FIGLA: variants seen among roughly 807,000 people sequenced by gnomAD.
The protein encoded by FIGLA is folliculogenesis specific bHLH transcription factor.
In FIGLA, 17 loss-of-function variants were observed where a neutral mutation model predicts 21.5. The ratio of observed to expected loss-of-function variants is 0.79; its 90% CI spans 0.54 to 1.19. The LOEUF is 1.19. Among genes scored for constraint, FIGLA ranks in the 50% most tolerant of loss-of-function variants. The pLI is 0.00. For synonymous variants in FIGLA, 129 were observed against 117.6 expected (o/e 1.10, Z -0.63); for missense variants, 282 against 285.0 (o/e 0.99, Z 0.08).
In FIGLA at chr2:70,778,171, G is replaced by A. The variant is rs552640098; in HGVS notation, c.610-500C>T. On this transcript the variant is annotated intron_variant, in intron 3 of 4. Transcript: ENST00000332372. ...TTTCAAAGTTGAGTTTTGTTAGAAC[G>A]AAAGTGGTTAAAAAGGACTTAACAC... 7.9e-4 allele frequency among the ~76,000 whole-genome samples: 121 copies of A among 152,230 alleles called. 1 individual carries two copies. Among genetic ancestry groups the A allele is most frequent in the Admixed American group, 1.3e-3 (20 of 15,288 alleles).
intron 3 of FIGLA, among the ~76,000 whole-genome samples, chr2:70,779,710 G>A (rs1675820398): frequency 6.6e-6 from 1 of 152,112 alleles, no homozygotes; most frequent in Admixed American, 6.5e-5. Context: ...CAGATACTAT[G>A]TCTCTCCATA....
chr2:70,789,451 T>G (rs1574353259), intron 1 of FIGLA, among the ~76,000 whole-genome samples: 1 of 152,254 alleles, frequency 6.6e-6, no homozygotes, highest in Non-Finnish European at 1.5e-5. Context: ...CAGGGTTCTG[T>G]CCATCAAGAG....
chr2:70,783,981 C>A lies in FIGLA; in HGVS notation c.609+1434G>T, dbSNP rs531182679. On this transcript the variant is annotated intron_variant, in intron 3 of 4. Transcript: ENST00000332372. ...CTGGGATGACAATTGTGAGCCACTG[C>A]GCCTGGCCCCACTCTTTTGTTGTTG... Among the ~76,000 whole-genome samples, 10 of 152,204 alleles carry A rather than the reference C, an allele frequency of 6.6e-5. No individual in the cohort carries two copies. The South Asian group carries it at 2.1e-3, about 32-fold the overall frequency.
intron 3 of FIGLA, among the ~76,000 whole-genome samples, chr2:70,781,776 T>C (rs6546627): frequency 0.66 from 100,145 of 152,094 alleles, 34,157 homozygotes; most frequent in East Asian, 0.91. Context: ...TCCAGGAGTT[T>C]GGAAGAATGG....
In FIGLA at chr2:70,785,607, G is replaced by T. The variant is rs1553389862; in HGVS notation, c.417C>A (p.Asn139Lys). The change falls in exon 3 of 5, where the codon AAC becomes AAA. Residue 139 changes from asparagine (N) to lysine (K), a missense_variant. By Grantham distance (94) the Asn-to-Lys change is moderately conservative. Coordinates refer to ENST00000332372, the MANE Select transcript of FIGLA (RefSeq NM_001004311.3). The part of the protein sequence containing the change: ...KQDPDEQSYS[N>K]NSSESHTSSA... Reference sequence around the variant, plus strand: ...AGGATGTATGTGATTCAGAACTGTTGTTACTATAGCTCTGCTCATCTGGGT... The same window carrying T: ...AGGATGTATGTGATTCAGAACTGTTTTTACTATAGCTCTGCTCATCTGGGT... 2.5e-6 allele frequency: 4 copies of T among 1,613,810 alleles called. No individual in the cohort carries two copies.
intron 2 of FIGLA, 47 bp downstream of exon 2, chr2:70,787,602 G>T (rs782580185): frequency 3.6e-5 from 55 of 1,519,360 alleles, no homozygotes; most frequent in Non-Finnish European, 4.8e-5. Context: ...CATAGAAAAG[G>T]CCTAATAAAT....
At position 70,790,416 on chromosome 2, in the gene FIGLA, G is replaced by A; in HGVS notation, c.223C>T (p.Arg75Cys). 1 of 1,537,482 alleles carries A rather than the reference G, an allele frequency of 6.5e-7. No individual in the cohort carries two copies. ...ERRRVANAKE[R>C]ERIKNLNRGF... ...CCCTAGGGATCCCTCACCCGCTCACGCTCCTTGGCGTTGGCCACACGCCGC... is the reference window on the plus strand; with the variant it reads ...CCCTAGGGATCCCTCACCCGCTCACACTCCTTGGCGTTGGCCACACGCCGC... The change falls in exon 1 of 5, where the codon CGT becomes TGT. Residue 75 changes from arginine to cysteine, a missense_variant. Arg to Cys is a radical substitution (Grantham distance 180). Coordinates refer to ENST00000332372, the MANE Select transcript of FIGLA (RefSeq NM_001004311.3).
intron 2 of FIGLA, 77 bp from the exon 3 acceptor site, chr2:70,785,716 G>T: frequency 9.1e-7 from 1 of 1,093,320 alleles, no homozygotes; most frequent in Non-Finnish European, 1.4e-6. Context: ...ATATTTCAAA[G>T]TTTTAACTGA....
In FIGLA at chr2:70,787,671, A is replaced by G. The variant is rs782103382; in HGVS notation, c.362T>C (p.Leu121Ser). The change falls in exon 2 of 5, where the codon TTG becomes TCG. Residue 121 changes from leucine (L) to serine (S), a missense_variant. Leu to Ser is a moderately radical substitution (Grantham distance 145, BLOSUM62 -2). Transcript: ENST00000332372. ...TEYIQVLSDL[L>S]EGAKDSKKQD... ...TACCTTTGAGTCTTTGGCTCCTTCC[A>G]AAAGATCACTGAGAACCTGTATATA... The G allele has an allele frequency of 1.9e-6, 3 of 1,578,878 alleles. No individual in the cohort carries two copies. Among genetic ancestry groups the G allele is most frequent in the Non-Finnish European group, 2.6e-6 (3 of 1,161,604 alleles).
In FIGLA at chr2:70,790,316, G is replaced by A. The variant is rs374864485; in HGVS notation, c.231+92C>T. The A allele has an allele frequency of 4.0e-5, 54 of 1,341,760 alleles. 2 individuals are homozygous for A. In the South Asian group the frequency reaches 8.1e-4, roughly 20 times the overall value. 83.1% of individuals were successfully genotyped at this position (1,341,760 alleles called of 1,614,324 possible). A position where few individuals can be genotyped will look rare whatever the true frequency, so the allele number is the denominator to read the frequency against. ...GAGCTCGAAGTCGCCTCGAGCGGGG[G>A]TGGGCGGTGAGCGGACCCCCGGGTG... On this transcript the variant is annotated intron_variant, in intron 1 of 4. Transcript: ENST00000332372.
intron 2 of FIGLA, among the ~76,000 whole-genome samples, chr2:70,786,022 G>A (rs1558598840): frequency 6.6e-6 from 1 of 152,124 alleles, no homozygotes; most frequent in Non-Finnish European, 1.5e-5. Flanking sequence ...TCCTGCCATC[G>A]CAGAATGTAG....
Position 70,777,369 on chromosome 2 carries a change from A to G in FIGLA, c.658T>C (p.Ter220ArgextTer10), listed in dbSNP as rs1675778728. 7.3e-6 allele frequency: 11 copies of G among 1,497,180 alleles called. No individual in the cohort carries two copies. Among genetic ancestry groups the G allele is most frequent in the Non-Finnish European group, 9.8e-6 (11 of 1,118,994 alleles). The allele number at this position is 1,497,180 out of a possible 1,614,324, so 92.7% of individuals were successfully genotyped here. Reference protein sequence around the residue: ...ELLSHRLPQV* With the variant: ...ELLSHRLPQVR ...GTAACCCTGGGCCTTTTCATTTTTC[A>G]TACTTGTGGAAGTCTGAAACAGAGA... The change falls in exon 5 of 5, where the codon TGA becomes CGA. Residue 220 changes from the stop codon to arginine (R), a stop_lost. Coordinates refer to ENST00000332372, the MANE Select transcript of FIGLA (RefSeq NM_001004311.3).
rs2104604696 is a variant in FIGLA, at chr2:70,790,551, A to G, written c.88T>C (p.Leu30=). 6.5e-7 allele frequency: 1 copy of G among 1,532,348 alleles called. No individual in the cohort carries two copies. 94.9% of individuals were successfully genotyped at this position (1,532,348 alleles called of 1,614,324 possible). A position where few individuals can be genotyped will look rare whatever the true frequency, so the allele number is the denominator to read the frequency against. ...TPQAEVLEDV[L]REQFGPLPQL... ...GGCAGCGGCCCGAACTGCTCCCGCA[A>G]CACGTCCTCCAGCACCTCGGCTTGC... is the stretch of plus-strand genomic sequence containing the variant. The change falls in exon 1 of 5, where the codon TTG becomes CTG. Residue 30 remains leucine (L), a synonymous_variant. Transcript: ENST00000332372.
rs143021228 is a variant in FIGLA, at chr2:70,788,286, C to A, written c.232-485G>T. Among the ~76,000 whole-genome samples, 286 of 152,318 alleles carry A rather than the reference C, an allele frequency of 1.9e-3. 1 individual carries two copies. Among genetic ancestry groups the A allele is most frequent in the African/African-American group, 6.6e-3 (274 of 41,566 alleles). The stretch of plus-strand genomic sequence containing the variant: ...AATAAGATACCTCACCCAAACCTGG[C>A]ACATAGAAAGTCCTCAAGAAGTGGT... On this transcript the variant is annotated intron_variant, in intron 1 of 4. Coordinates refer to ENST00000332372, the MANE Select transcript of FIGLA (RefSeq NM_001004311.3).
chr2:70,785,550 T>C lies in FIGLA; in HGVS notation c.474A>G (p.Gln158=), dbSNP rs2104600610. The C allele has an allele frequency of 6.2e-7, 1 of 1,613,936 alleles. No individual in the cohort carries two copies. The highest frequency in any genetic ancestry group is 2.2e-5 in the East Asian group (1 of 44,876). Residue 158 remains glutamine, a synonymous_variant, in exon 3 of 5, where the codon CAA becomes CAG. Transcript: ENST00000332372. ...TCAAGCCGAAAGCACAGCTGATATGTTGGGTGATGTTTCTTGACAGCTGTC... is the reference window on the plus strand; with the variant it reads ...TCAAGCCGAAAGCACAGCTGATATGCTGGGTGATGTTTCTTGACAGCTGTC... The part of the protein sequence containing the change: ...SARQLSRNIT[Q]HISCAFGLKN...
chr2:70,778,984 T>C (rs6705407), intron 3 of FIGLA, among the ~76,000 whole-genome samples: 26,314 of 152,110 alleles, frequency 0.17, 2,730 homozygotes, highest in African/African-American at 0.28. Flanking sequence ...CCTGTTCCTA[T>C]GATAATCTGA....
At chr2:70,784,787 T>C (rs1675913962) in intron 3 of FIGLA, among the ~76,000 whole-genome samples, 1 of 152,182 alleles carries the variant, frequency 6.6e-6, no homozygotes, top group African/African-American at 2.4e-5. Flanking sequence ...CATTTATGAA[T>C]ACCAGTTCAC....
chr2:70,784,946 A>AC (rs1491473214), intron 3 of FIGLA, among the ~76,000 whole-genome samples: 1 of 19,978 alleles, frequency 5.0e-5, no homozygotes, highest in Non-Finnish European at 7.2e-5. Flanking sequence ...CCCCCACCAC[A>AC]AAAAAAAAAA....
At chr2:70,778,208 T>TC (rs1448054796) in intron 3 of FIGLA, among the ~76,000 whole-genome samples, 11 of 151,830 alleles carry the variant, frequency 7.2e-5, no homozygotes, top group African/African-American at 2.7e-4. Flanking sequence ...ATCACCCACA[T>TC]CCCCCCCAAC....
Sources: gnomAD v4.1 joint callset for allele counts (sites outside exome capture counted in the v4.1 genomes callset) on GRCh38, gnomAD v4.1.1 for gene constraint, MANE v1.5 for transcripts, NCBI Gene and HGNC (gene_info 2026-07-23, HGNC 2026-07-21) for gene names.